Variants in KCNK3 observed in about 807,000 individuals in gnomAD.
KCNK3 encodes potassium two pore domain channel subfamily K member 3.
KCNK3 carries 9 observed loss-of-function variants against 27.3 expected under a neutral mutation model. That is an observed-to-expected ratio of 0.33 (90% CI 0.20 to 0.57). The LOEUF (loss-of-function observed/expected upper bound fraction) is 0.57. Among genes scored for constraint, KCNK3 ranks in the 20% least tolerant of loss-of-function variants. The pLI, the probability that KCNK3 is intolerant of heterozygous loss-of-function variation, is 0.87. For missense variants in KCNK3, 391 were observed against 577.7 expected, an observed-to-expected ratio of 0.68 and a Z score of 3.31; for synonymous variants, 278 against 273.8, an observed-to-expected ratio of 1.02 and a Z score of -0.15.
chr2:26,697,695 T>A (rs960245586), intron 1 of KCNK3, among the ~76,000 whole-genome samples: 5 of 152,056 alleles, frequency 3.3e-5, no homozygotes, highest in African/African-American at 1.2e-4. Flanking sequence ...GTCCTGGGAA[T>A]CTTTTTGGCT....
At chr2:26,695,773 G>A (rs533910417) in intron 1 of KCNK3, among the ~76,000 whole-genome samples, 10 of 152,302 alleles carry the variant, frequency 6.6e-5, no homozygotes, top group East Asian at 1.9e-4. Flanking sequence ...CAAGAGAGAC[G>A]CTAAAAGCCA....
intron 1 of KCNK3, among the ~76,000 whole-genome samples, chr2:26,722,907 T>G (rs908102432): frequency 6.6e-6 from 1 of 152,216 alleles, no homozygotes; most frequent in Non-Finnish European, 1.5e-5. Flanking sequence ...TCTCTTGCCC[T>G]ATCTTCCATG....
intron 1 of KCNK3, among the ~76,000 whole-genome samples, chr2:26,694,245 G>C (rs761702056): frequency 6.6e-6 from 1 of 152,168 alleles, no homozygotes; most frequent in African/African-American, 2.4e-5. Flanking sequence ...GCCCCGACGT[G>C]CTTGGATTCT....
chr2:26,723,213 C>T (rs919429793), intron 1 of KCNK3, among the ~76,000 whole-genome samples: 1 of 152,192 alleles, frequency 6.6e-6, no homozygotes, highest in African/African-American at 2.4e-5. Context: ...AGGAAATAAG[C>T]CACAGGGAGA....
intron 1 of KCNK3, among the ~76,000 whole-genome samples, chr2:26,706,228 G>C (rs74887298): frequency 6.6e-6 from 1 of 152,158 alleles, no homozygotes; most frequent in African/African-American, 2.4e-5. Flanking sequence ...AAAGCTCCTG[G>C]GGTGAGCCAG....
At chr2:26,696,581 C>T (rs985309463) in intron 1 of KCNK3, among the ~76,000 whole-genome samples, 2 of 152,212 alleles carry the variant, frequency 1.3e-5, no homozygotes, top group Admixed American at 1.3e-4. Context: ...GGAAGGATTC[C>T]TCCAGCTCCC....
Position 26,693,971 on chromosome 2 carries a change from A to C in KCNK3, c.283+813A>C, listed in dbSNP as rs996185023. Among the ~76,000 whole-genome samples, 6 of 151,938 alleles carry C rather than the reference A, an allele frequency of 3.9e-5. No homozygotes were observed. Among genetic ancestry groups the C allele is most frequent in the Non-Finnish European group, 7.4e-5 (5 of 68,010 alleles). On this transcript the variant is annotated intron_variant, in intron 1 of 1. Coordinates refer to ENST00000302909, the MANE Select transcript of KCNK3 (RefSeq NM_002246.3). The surrounding 1 kb of genome is among the most constrained non-coding windows in gnomAD (Gnocchi z 5.5). ...ACACACAGGGCGGGCACACACACAC[A>C]CACACACAGAGAGAGAGACAGAGAG...
At chr2:26,725,340 G>T (rs547007727) in intron 1 of KCNK3, among the ~76,000 whole-genome samples, 1 of 152,220 alleles carries the variant, frequency 6.6e-6, no homozygotes, top group Middle Eastern at 3.4e-3. Context: ...CGAGGGTGGG[G>T]GTTAATAGCT....
intron 1 of KCNK3, among the ~76,000 whole-genome samples, chr2:26,717,209 G>A (rs140946838): frequency 1.3e-5 from 2 of 152,206 alleles, no homozygotes; most frequent in East Asian, 1.9e-4. Context: ...TCTGGGCCCC[G>A]CCCTGCCCCC....
chr2:26,715,127 C>T (rs982645267), intron 1 of KCNK3, among the ~76,000 whole-genome samples: 14 of 152,200 alleles, frequency 9.2e-5, no homozygotes, highest in African/African-American at 1.9e-4. Context: ...ACAAGGTGAC[C>T]GGCCTGAGCT....
intron 1 of KCNK3, among the ~76,000 whole-genome samples, chr2:26,715,413 C>T (rs1213659418): frequency 1.3e-5 from 2 of 152,210 alleles, no homozygotes; most frequent in African/African-American, 2.4e-5. Context: ...CTAAGAAGTA[C>T]AAGGCAGTAC....
At chr2:26,720,619 G>C (rs2148267030) in intron 1 of KCNK3, among the ~76,000 whole-genome samples, 1 of 152,318 alleles carries the variant, frequency 6.6e-6, no homozygotes, top group Non-Finnish European at 1.5e-5. Context: ...GGCCACCTGT[G>C]GATGGGAGGC....
chr2:26,711,869 G>C (rs1368992028), intron 1 of KCNK3, among the ~76,000 whole-genome samples: 1 of 152,156 alleles, frequency 6.6e-6, no homozygotes, highest in Non-Finnish European at 1.5e-5. Flanking sequence ...ATCGGGGCTG[G>C]GGGGAGGGAG....
At chr2:26,703,671 G>A (rs1373456350) in intron 1 of KCNK3, among the ~76,000 whole-genome samples, 1 of 152,194 alleles carries the variant, frequency 6.6e-6, no homozygotes, top group Non-Finnish European at 1.5e-5. Flanking sequence ...GAGGCATCAA[G>A]AGAATGAAAA....
At chr2:26,718,823 G>A (rs151039747) in intron 1 of KCNK3, among the ~76,000 whole-genome samples, 483 of 152,204 alleles carry the variant, frequency 3.2e-3, no homozygotes, top group African/African-American at 0.011. Context: ...GCCCAGGTTC[G>A]TCTCGGATTC....
At chr2:26,708,411 C>T (rs1670402032) in intron 1 of KCNK3, among the ~76,000 whole-genome samples, 1 of 152,192 alleles carries the variant, frequency 6.6e-6, no homozygotes, top group Non-Finnish European at 1.5e-5. Context: ...CGGTGGCTCA[C>T]ACCTGTAATC....
chr2:26,696,121 C>T (rs549951236), intron 1 of KCNK3, among the ~76,000 whole-genome samples: 1 of 152,228 alleles, frequency 6.6e-6, no homozygotes. Flanking sequence ...TTCTGAGATA[C>T]CGGGTGTCCC....
Position 26,693,171 on chromosome 2 carries a change from C to T in KCNK3, c.283+13C>T. 7.3e-7 allele frequency: 1 copy of T among 1,370,708 alleles called. No individual in the cohort carries two copies. 84.9% of individuals were successfully genotyped at this position (1,370,708 alleles called of 1,614,324 possible). A position where few individuals can be genotyped will look rare whatever the true frequency, so the allele number is the denominator to read the frequency against. Reference sequence around the variant, plus strand: ...ATCACCACCATCGGTAACGGCTCGCCGGGCGGGGGGCGGGAACCCAGGGCT... The same window carrying T: ...ATCACCACCATCGGTAACGGCTCGCTGGGCGGGGGGCGGGAACCCAGGGCT... On this transcript the variant is annotated intron_variant, in intron 1 of 1. Coordinates refer to ENST00000302909, the MANE Select transcript of KCNK3 (RefSeq NM_002246.3). This position sits in a 1 kb window ranked among gnomAD's most constrained non-coding sequence, Gnocchi z 5.5.
At chr2:26,722,651 G>A (rs191511603) in intron 1 of KCNK3, among the ~76,000 whole-genome samples, 8 of 152,336 alleles carry the variant, frequency 5.3e-5, no homozygotes, top group Admixed American at 5.2e-4. Context: ...CCATCTCAAA[G>A]AGTCAATTAT....
Sources: gnomAD v4.1 joint callset for allele counts (sites outside exome capture counted in the v4.1 genomes callset) on GRCh38, gnomAD v4.1.1 for gene constraint, Gnocchi (gnomAD v3.1) non-coding constraint, MANE v1.5 for transcripts, NCBI Gene and HGNC (gene_info 2026-07-23, HGNC 2026-07-21) for gene names.